Variants in ARHGAP27 observed in about 807,000 individuals in gnomAD.
The protein encoded by ARHGAP27 is rho GTPase-activating protein 27.
A neutral mutation model predicts 102.0 loss-of-function variants in ARHGAP27; 53 were observed. The observed-to-expected ratio is 0.52, with a 90% CI of 0.42 to 0.65. The LOEUF is 0.65. Ranked by LOEUF, ARHGAP27 falls within the 30% of genes least tolerant of loss-of-function variation. The pLI is 0.00. For synonymous variants in ARHGAP27, 525 were observed against 542.8 expected, an observed-to-expected ratio of 0.97 and a Z score of 0.46; for missense variants, 1,117 against 1,256.2, an observed-to-expected ratio of 0.89 and a Z score of 1.68.
At chr17:45,399,030 CA>C (rs1354450935) in intron 12 of ARHGAP27, among the ~76,000 whole-genome samples, 6 of 152,136 alleles carry the variant, frequency 3.9e-5, no homozygotes, top group Non-Finnish European at 8.8e-5. Context: ...GGAAACTTGC[CA>C]CCATAGGACT....
rs1053652508 is a variant in ARHGAP27, at chr17:45,395,367, C to T, written c.*89G>A. 60 of 1,449,460 alleles carry T rather than the reference C, an allele frequency of 4.1e-5. No individual in the cohort carries two copies. The highest frequency in any genetic ancestry group is 5.1e-5 in the Non-Finnish European group (55 of 1,082,002). 89.8% of individuals were successfully genotyped at this position (1,449,460 alleles called of 1,614,324 possible). A position where few individuals can be genotyped will look rare whatever the true frequency, so the allele number is the denominator to read the frequency against. On this transcript the variant is annotated 3_prime_UTR_variant, in exon 20 of 20. Coordinates refer to ENST00000685559, the MANE Select transcript of ARHGAP27 (RefSeq NM_001282290.2). ...CTGCGGCTATGCGCTGGCGGAGGGTCCCAGAGAGAAGAAGGCCCGGCTGCG... is the reference window on the plus strand; with the variant it reads ...CTGCGGCTATGCGCTGGCGGAGGGTTCCAGAGAGAAGAAGGCCCGGCTGCG...
At chr17:45,419,450 TATAA>T (rs2048800481) in intron 4 of ARHGAP27, among the ~76,000 whole-genome samples, 1 of 149,686 alleles carries the variant, frequency 6.7e-6, no homozygotes. Flanking sequence ...TGTATGTACA[TATAA>T]ATATATACAA....
chr17:45,395,938 C>T lies in ARHGAP27; in HGVS notation c.2386+45G>A, dbSNP rs940911709. 1.3e-5 allele frequency: 20 copies of T among 1,571,962 alleles called. No individual in the cohort carries two copies. The East Asian group carries it at 3.7e-4, about 29-fold the overall frequency. ...AGGGGAGCCTGCTAAAGGGGTGCCC[C>T]GCCACGCCCCTACCCCATCCGCCCC... On this transcript the variant is annotated intron_variant, in intron 18 of 19. Coordinates refer to ENST00000685559, the MANE Select transcript of ARHGAP27 (RefSeq NM_001282290.2).
chr17:45,417,869 C>T (rs12952504), intron 4 of ARHGAP27, among the ~76,000 whole-genome samples: 4 of 151,584 alleles, frequency 2.6e-5, no homozygotes, highest in African/African-American at 7.3e-5. Flanking sequence ...ATGGCTAACA[C>T]GGTGAAACCC....
chr17:45,403,767 GC>G (rs2046768234), intron 10 of ARHGAP27, 58 bp from the exon 11 acceptor site: 1 of 1,438,262 alleles, frequency 7.0e-7, no homozygotes, highest in African/African-American at 1.4e-5. Context: ...TGGGCTGAGG[GC>G]CCCTCCTACC....
rs756593379 is a variant in ARHGAP27, at chr17:45,395,694, G to A, written c.2492+50C>T. On this transcript the variant is annotated intron_variant, in intron 19 of 19. Coordinates refer to ENST00000685559, the MANE Select transcript of ARHGAP27 (RefSeq NM_001282290.2). ...TGCGAACTGCGGGGAGGCGCTGGGG[G>A]CTTCAGCCGGGACCTGCCTCCCCCT... 43 of 1,567,254 alleles carry A rather than the reference G, an allele frequency of 2.7e-5. No individual in the cohort carries two copies. The East Asian group carries it at 9.2e-4, about 33-fold the overall frequency.
intron 4 of ARHGAP27, among the ~76,000 whole-genome samples, chr17:45,407,328 C>T (rs2047305097): frequency 6.6e-6 from 1 of 151,928 alleles, no homozygotes. Flanking sequence ...ATTCCTTCTT[C>T]AGGATTCAGC....
At chr17:45,421,704 A>G (rs1486941797) in intron 4 of ARHGAP27, among the ~76,000 whole-genome samples, 1 of 152,206 alleles carries the variant, frequency 6.6e-6, no homozygotes, top group Non-Finnish European at 1.5e-5. Flanking sequence ...TAACAGGAAG[A>G]AAAAGGAAAT....
intron 18 of ARHGAP27, 43 bp from the exon 19 acceptor site, chr17:45,395,892 G>A (rs1386095508): frequency 1.9e-6 from 3 of 1,581,686 alleles, no homozygotes; most frequent in South Asian, 1.1e-5. Context: ...GGAACGGGAG[G>A]TAGGGGGTAT....
intron 4 of ARHGAP27, among the ~76,000 whole-genome samples, chr17:45,406,473 TGTAAA>T (rs1236733088): frequency 6.6e-6 from 1 of 152,334 alleles, no homozygotes; most frequent in African/African-American, 2.4e-5. Context: ...GAAAGTACTT[TGTAAA>T]GTATTTAGTG....
chr17:45,405,816 A>G lies in ARHGAP27; in HGVS notation c.925T>C (p.Trp309Arg). The change falls in exon 5 of 20, where the codon TGG becomes CGG. Residue 309 changes from tryptophan (W) to arginine (R), a missense_variant. Around this residue, in one of 3 missense-constraint regions of ARHGAP27, gnomAD observed 610 missense variants for 716.4 expected, o/e 0.85. Transcript: ENST00000685559. ...AACACCCTGCGGCTCTCCTCATCCC[A>G]GTACTGGCCCCACTCGGTCTCAAGG... is the stretch of plus-strand genomic sequence containing the variant. ...VSLETEWGQY[W>R]DEESRRVFFY... is the part of the protein sequence containing the mutation. The G allele has an allele frequency of 6.5e-7, 1 of 1,539,410 alleles. No homozygotes were observed. The highest frequency in any genetic ancestry group is 1.2e-5 in the South Asian group (1 of 84,376).
At chr17:45,425,387 T>C (rs2049489748) in intron 4 of ARHGAP27, among the ~76,000 whole-genome samples, 1 of 152,134 alleles carries the variant, frequency 6.6e-6, no homozygotes, top group Non-Finnish European at 1.5e-5. Flanking sequence ...GGCCAGTTCC[T>C]TTCTCTCAGT....
intron 4 of ARHGAP27, chr17:45,429,364 C>A: frequency 7.7e-7 from 1 of 1,302,916 alleles, no homozygotes; most frequent in Non-Finnish European, 9.9e-7. Context: ...AGTTCAAGCG[C>A]AATTTTGCCA....
At chr17:45,411,462 T>C (rs1442830470) in intron 4 of ARHGAP27, among the ~76,000 whole-genome samples, 1 of 151,914 alleles carries the variant, frequency 6.6e-6, no homozygotes, top group Admixed American at 6.6e-5. Context: ...TCCCCTGCCA[T>C]GTCTCTCAGC....
At chr17:45,405,230 G>C (rs567756225) in intron 5 of ARHGAP27, 124 bp from the exon 6 acceptor site, 9 of 1,083,276 alleles carry the variant, frequency 8.3e-6, no homozygotes, top group Non-Finnish European at 7.7e-6. Flanking sequence ...CAGGAGGCGG[G>C]GTCAGAAGCG....
At position 45,396,488 on chromosome 17, in the gene ARHGAP27, G is replaced by T; in HGVS notation, c.2172C>A (p.Arg724=). The change falls in exon 16 of 20, where the codon CGC becomes CGA. Residue 724 remains arginine, a splice_region_variant and synonymous_variant. Transcript: ENST00000685559. ...CCCTCACCCCCGCAGCGCACGTACC[G>T]CGGGCCTCGACGGCGCGGATGCACT... The part of the protein sequence containing the change: ...VQQCIRAVEA[R]GLDIDGLYRI... 1 of 1,537,080 alleles carries T rather than the reference G, an allele frequency of 6.5e-7. No homozygotes were observed. The highest frequency in any genetic ancestry group is 8.7e-7 in the Non-Finnish European group (1 of 1,146,828).
rs1597798196 is a variant in ARHGAP27 at position 45,405,696 on chromosome 17, C to G, written c.1045G>C (p.Gly349Arg). The change falls in exon 5 of 20, where the codon GGC becomes CGC. Residue 349 changes from glycine (G) to arginine (R), a missense_variant. Gly to Arg is a moderately radical substitution (Grantham distance 125, BLOSUM62 -2). Around this residue, in one of 3 missense-constraint regions of ARHGAP27, gnomAD observed 610 missense variants for 716.4 expected, o/e 0.85. Coordinates refer to ENST00000685559, the MANE Select transcript of ARHGAP27 (RefSeq NM_001282290.2). ...ELEMQPGLSP[G>R]SPGDPRPPTP... ...CTCACCCGCGGGTCCCCTGGGCTGC[C>G]AGGGCTCAGGCCCGGCTGCATCTCC... is the stretch of plus-strand genomic sequence containing the variant. 2.5e-6 allele frequency: 4 copies of G among 1,599,084 alleles called. No homozygotes were observed. The East Asian group carries it at 6.7e-5, about 27-fold the overall frequency.
At chr17:45,398,493 T>C (rs761757184) in intron 12 of ARHGAP27, among the ~76,000 whole-genome samples, 17 of 152,140 alleles carry the variant, frequency 1.1e-4, no homozygotes, top group Non-Finnish European at 2.5e-4. Context: ...CCCAGCACTT[T>C]GGGAGGCCGA....
chr17:45,417,776 G>A lies in ARHGAP27; in HGVS notation c.658-11693C>T, dbSNP rs573008173. ...CTCAAAAAAAAAAAAAATTTTGGCC[G>A]GGTATGGTGGCTCACGCCTGTAATC... On this transcript the variant is annotated intron_variant, in intron 4 of 19. Transcript: ENST00000685559. Among the ~76,000 whole-genome samples, 250 of 150,534 alleles carry A rather than the reference G, an allele frequency of 1.7e-3. 1 individual carries two copies. Among genetic ancestry groups the A allele is most frequent in the Non-Finnish European group, 3.5e-4 (24 of 67,654 alleles).
Sources: allele counts gnomAD v4.1 joint callset (sites outside exome capture counted in the v4.1 genomes callset), GRCh38; gene constraint gnomAD v4.1.1; regional missense constraint gnomAD v4.1.1; transcripts MANE v1.5; gene names NCBI Gene and HGNC (gene_info 2026-07-23, HGNC 2026-07-21).